Variants in STXBP5L observed in about 807,000 individuals in gnomAD.
The protein encoded by STXBP5L is syntaxin binding protein 5L.
Under a neutral mutation model 144.5 loss-of-function variants are expected in STXBP5L, and 65 were observed. The ratio of observed to expected loss-of-function variants is 0.45; its 90% CI spans 0.37 to 0.55. The LOEUF is 0.55. STXBP5L is among the 20% of genes least tolerant of loss of function. The probability of loss-of-function intolerance (pLI) is 0.00; values close to 1 mark genes in which losing one functional copy is unlikely to be tolerated. For missense variants in STXBP5L, 1,298 were observed against 1,405.5 expected (o/e 0.92, Z 1.22); for synonymous variants, 505 against 469.6 (o/e 1.08, Z -0.97).
In STXBP5L at chr3:121,381,508, G is replaced by C; in HGVS notation, c.2563G>C (p.Glu855Gln). 3 of 1,593,762 alleles carry C rather than the reference G, an allele frequency of 1.9e-6. No individual in the cohort carries two copies. The highest frequency in any genetic ancestry group is 1.2e-5 in the South Asian group (1 of 86,548). Residue 855 changes from glutamate to glutamine, a missense_variant, in exon 22 of 27, where the codon GAG (glutamate) becomes CAG (glutamine). Transcript: ENST00000471454. The stretch of plus-strand genomic sequence containing the variant: ...ATTAGCAGATGAACAAAGGTTTACA[G>C]AGCCAGTCATGGTATTGCCAAGTGG... ...LPLADEQRFT[E>Q]PVMVLPSGTF...
In STXBP5L at chr3:120,977,043, T is replaced by G. The variant is rs1254440159; in HGVS notation, c.287+22006T>G. Among the ~76,000 whole-genome samples, 3 of 152,320 alleles carry G rather than the reference T, an allele frequency of 2.0e-5. No individual in the cohort carries two copies. In the East Asian group the frequency reaches 5.8e-4, roughly 29 times the overall value. ...TCTGTTGATTTGGGGTGGAGAGTTC[T>G]GTAGATGTCTATTAGGTCCACTTGG... On this transcript the variant is annotated intron_variant, in intron 3 of 26. Coordinates refer to ENST00000471454, the MANE Select transcript of STXBP5L (RefSeq NM_001308330.2).
At chr3:121,008,824 G>T (rs1307729813) in intron 3 of STXBP5L, among the ~76,000 whole-genome samples, 1 of 151,976 alleles carries the variant, frequency 6.6e-6, no homozygotes, top group Admixed American at 6.6e-5. Flanking sequence ...TTCTGAGATA[G>T]TGGTCCAGCA....
At chr3:120,979,047 A>T (rs938484857) in intron 3 of STXBP5L, among the ~76,000 whole-genome samples, 1 of 152,184 alleles carries the variant, frequency 6.6e-6, no homozygotes, top group Non-Finnish European at 1.5e-5. Flanking sequence ...CTCCAGCTGC[A>T]TGCTCGGAGA....
chr3:120,971,381 C>T (rs891299556), intron 3 of STXBP5L, among the ~76,000 whole-genome samples: 2 of 151,316 alleles, frequency 1.3e-5, no homozygotes, highest in Admixed American at 6.6e-5. Context: ...GCACCCCCCC[C>T]AACTCCTTAA....
intron 11 of STXBP5L, among the ~76,000 whole-genome samples, chr3:121,231,184 G>C (rs1352380736): frequency 6.6e-6 from 1 of 152,114 alleles, no homozygotes; most frequent in Non-Finnish European, 1.5e-5. Context: ...CAGCAGTGGG[G>C]TCCCTAAGGG....
At chr3:121,020,723 C>T (rs1945489450) in intron 3 of STXBP5L, among the ~76,000 whole-genome samples, 1 of 151,930 alleles carries the variant, frequency 6.6e-6, no homozygotes, top group Non-Finnish European at 1.5e-5. Context: ...AGAGAATTTG[C>T]CACTACCAAG....
chr3:121,021,474 A>T (rs1222112484), intron 3 of STXBP5L, among the ~76,000 whole-genome samples: 2 of 152,202 alleles, frequency 1.3e-5, no homozygotes, highest in African/African-American at 4.8e-5. Context: ...CCTTCCATTC[A>T]TTAGCATATG....
At chr3:120,908,657 C>A (rs916888320) in intron 1 of STXBP5L, among the ~76,000 whole-genome samples, 1 of 151,308 alleles carries the variant, frequency 6.6e-6, no homozygotes, top group Non-Finnish European at 1.5e-5. Flanking sequence ...CGGCTCTGCG[C>A]GCCCAGCAGG....
At chr3:121,180,704 G>A (rs369201258) in intron 9 of STXBP5L, among the ~76,000 whole-genome samples, 18 of 152,136 alleles carry the variant, frequency 1.2e-4, no homozygotes, top group African/African-American at 3.4e-4. Context: ...GTGAAACCCC[G>A]TCTCTACTGA....
At chr3:121,210,985 G>A (rs923862694) in intron 10 of STXBP5L, among the ~76,000 whole-genome samples, 1 of 152,182 alleles carries the variant, frequency 6.6e-6, no homozygotes, top group African/African-American at 2.4e-5. Flanking sequence ...TTGGTAGCTT[G>A]ATGGGGATGG....
At chr3:121,085,526 C>G (rs545556196) in intron 5 of STXBP5L, among the ~76,000 whole-genome samples, 1 of 152,184 alleles carries the variant, frequency 6.6e-6, no homozygotes, top group East Asian at 1.9e-4. Context: ...TTCATATACA[C>G]CAACAATAGA....
At chr3:120,918,886 T>C (rs1268490055) in intron 2 of STXBP5L, among the ~76,000 whole-genome samples, 2 of 152,166 alleles carry the variant, frequency 1.3e-5, no homozygotes, top group Non-Finnish European at 2.9e-5. Flanking sequence ...CCTGATTTCT[T>C]TATGAACTAG....
rs1260623509 is a variant in STXBP5L at position 121,413,221 on chromosome 3, A to T, written c.3012A>T (p.Ala1004=). Residue 1004 remains alanine (A), a synonymous_variant, in exon 24 of 27, where the codon GCA becomes GCT. Coordinates refer to ENST00000471454, the MANE Select transcript of STXBP5L (RefSeq NM_001308330.2). Reference sequence around the variant, plus strand: ...TGCCACTGACAGACATGAGGATAGCACGAACATTTTGTTTTACCAATGAAG... The same window carrying T: ...TGCCACTGACAGACATGAGGATAGCTCGAACATTTTGTTTTACCAATGAAG... ...NYLPLTDMRI[A]RTFCFTNEGQ... 2 of 1,610,928 alleles carry T rather than the reference A, an allele frequency of 1.2e-6. No individual in the cohort carries two copies. Among genetic ancestry groups the T allele is most frequent in the Middle Eastern group, 3.3e-4 (2 of 6,048 alleles).
At chr3:121,398,619 A>G (rs1419422484) in intron 22 of STXBP5L, among the ~76,000 whole-genome samples, 2 of 151,892 alleles carry the variant, frequency 1.3e-5, no homozygotes, top group Admixed American at 1.3e-4. Context: ...TTTTTTCTAC[A>G]TTCTTTTTTA....
At chr3:121,217,098 T>C (rs1350142945) in intron 10 of STXBP5L, among the ~76,000 whole-genome samples, 1 of 152,162 alleles carries the variant, frequency 6.6e-6, no homozygotes, top group Non-Finnish European at 1.5e-5. Context: ...TTCAAACCAG[T>C]GGATCTTAGC....
chr3:121,153,812 T>G (rs2046019184), intron 8 of STXBP5L, among the ~76,000 whole-genome samples: 1 of 151,942 alleles, frequency 6.6e-6, no homozygotes, highest in African/African-American at 2.4e-5. Context: ...AGTTATGTTC[T>G]TTATAATCAA....
chr3:121,237,440 C>T (rs1405151236), intron 12 of STXBP5L, among the ~76,000 whole-genome samples: 1 of 152,216 alleles, frequency 6.6e-6, no homozygotes, highest in Non-Finnish European at 1.5e-5. Flanking sequence ...ATTCTGTTCT[C>T]CTAGGCTCCT....
chr3:120,988,956 A>T (rs1254595564), intron 3 of STXBP5L, among the ~76,000 whole-genome samples: 2 of 151,780 alleles, frequency 1.3e-5, no homozygotes, highest in African/African-American at 4.8e-5. Context: ...AAAATAATGG[A>T]CTCCAGTTCC....
chr3:121,248,627 G>A (rs1048224647), intron 14 of STXBP5L, among the ~76,000 whole-genome samples: 6 of 152,086 alleles, frequency 3.9e-5, no homozygotes, highest in Non-Finnish European at 5.9e-5. Context: ...TTCTTTTGCT[G>A]TGCAGAAGCT....
Sources: gnomAD v4.1 joint callset for allele counts (sites outside exome capture counted in the v4.1 genomes callset) on GRCh38, gnomAD v4.1.1 for gene constraint, MANE v1.5 for transcripts, NCBI Gene and HGNC (gene_info 2026-07-23, HGNC 2026-07-21) for gene names.